The following TMEM266 variants were observed in gnomAD, a reference collection of about 807,000 sequenced individuals.
The protein encoded by TMEM266 is Hv1 related protein 1.
In TMEM266, 33 loss-of-function variants were observed where a neutral mutation model predicts 50.5. The observed-to-expected ratio is 0.65, with a 90% CI of 0.50 to 0.87. The LOEUF (loss-of-function observed/expected upper bound fraction) is 0.87. TMEM266 is among the 40% of genes least tolerant of loss of function. TMEM266 has a pLI of 0.00. For missense variants in TMEM266, 655 were observed against 695.1 expected, an observed-to-expected ratio of 0.94 and a Z score of 0.65; for synonymous variants, 310 against 292.3, an observed-to-expected ratio of 1.06 and a Z score of -0.62.
At chr15:76,082,625 C>T (rs966031625) in intron 1 of TMEM266, among the ~76,000 whole-genome samples, 10 of 103,556 alleles carry the variant, frequency 9.7e-5, no homozygotes, top group African/African-American at 1.9e-4. Context: ...GGGCGGCAAG[C>T]GTGGCACATG....
chr15:76,112,260 C>T (rs1253225539), intron 1 of TMEM266, among the ~76,000 whole-genome samples: 2 of 152,106 alleles, frequency 1.3e-5, no homozygotes. Flanking sequence ...TAAAAGTAAA[C>T]AACACAAAGA....
intron 8 of TMEM266, among the ~76,000 whole-genome samples, chr15:76,187,884 C>T (rs2460154): frequency 0.51 from 77,221 of 152,012 alleles, 20,296 homozygotes; most frequent in African/African-American, 0.64. Context: ...TATTCAGCAA[C>T]GTTTATTGAG....
intron 9 of TMEM266, among the ~76,000 whole-genome samples, chr15:76,197,551 G>C (rs558268858): frequency 6.6e-6 from 1 of 152,348 alleles, no homozygotes; most frequent in Admixed American, 6.5e-5. Context: ...AACAGGTGTA[G>C]AAGTTCTTCA....
intron 10 of TMEM266, among the ~76,000 whole-genome samples, chr15:76,202,933 A>G: frequency 6.6e-6 from 1 of 151,950 alleles, no homozygotes; most frequent in East Asian, 1.9e-4. Flanking sequence ...TAGTCTCCCT[A>G]AGGCCTCATC....
chr15:76,170,913 A>G, intron 6 of TMEM266, 80 bp from the exon 7 acceptor site: 5 of 1,498,048 alleles, frequency 3.3e-6, no homozygotes, highest in South Asian at 1.3e-5. Context: ...GTTGGGCAGC[A>G]CCAGCTGCTT....
Position 76,121,346 on chromosome 15 carries a change from A to G in TMEM266, c.-96-12822A>G, listed in dbSNP as rs114215347. ...TATAATGTATCAGTGCTCTATTGCC[A>G]CAATAATCTCATACAACAAACCACC... is the stretch of plus-strand genomic sequence containing the variant. On this transcript the variant is annotated intron_variant, in intron 1 of 10. Transcript: ENST00000388942. Among the ~76,000 whole-genome samples the G allele has an allele frequency of 6.9e-3, 1,046 of 152,294 alleles. 12 individuals carry two copies. The highest frequency in any genetic ancestry group is 0.024 in the African/African-American group (999 of 41,558).
At chr15:76,201,784 T>A (rs1229597382) in intron 9 of TMEM266, among the ~76,000 whole-genome samples, 1 of 152,214 alleles carries the variant, frequency 6.6e-6, no homozygotes, top group Admixed American at 6.5e-5. Flanking sequence ...GCTGGCTGTG[T>A]CCTGCAAATG....
At chr15:76,173,631 C>T (rs900880080) in intron 7 of TMEM266, among the ~76,000 whole-genome samples, 7 of 152,170 alleles carry the variant, frequency 4.6e-5, no homozygotes, top group African/African-American at 1.7e-4. Flanking sequence ...AAGCGTATTT[C>T]ATTCACGTGA....
chr15:76,134,099 T>C (rs1336263107), intron 1 of TMEM266, 69 bp from the exon 2 acceptor site: 2 of 628,710 alleles, frequency 3.2e-6, no homozygotes, highest in South Asian at 2.3e-5. Flanking sequence ...AGGACTCCCA[T>C]TTTTAGATGA....
chr15:76,066,966 G>A (rs2036434666), intron 1 of TMEM266, among the ~76,000 whole-genome samples: 1 of 152,002 alleles, frequency 6.6e-6, no homozygotes, highest in Admixed American at 6.6e-5. Context: ...GATGCCACCG[G>A]TACTACCGCG....
chr15:76,199,043 C>T (rs1055371569), intron 9 of TMEM266, among the ~76,000 whole-genome samples: 1 of 145,914 alleles, frequency 6.9e-6, no homozygotes. Flanking sequence ...TTCATTGAAC[C>T]CACAGGCAGG....
At chr15:76,198,992 T>G (rs2038699105) in intron 9 of TMEM266, among the ~76,000 whole-genome samples, 1 of 92,916 alleles carries the variant, frequency 1.1e-5, no homozygotes, top group Admixed American at 1.2e-4. Context: ...CCTAGGGACC[T>G]CGGCTCTGTG....
In TMEM266 at chr15:76,130,233, A is replaced by C. The variant is rs1437693538; in HGVS notation, c.-96-3935A>C. The stretch of plus-strand genomic sequence containing the variant: ...GAGACCCTGTCAAAAAAAAAAAAAA[A>C]AAAAAAAAAAAAAAAAAAAAACCGC... On this transcript the variant is annotated intron_variant, in intron 1 of 10. Transcript: ENST00000388942. Among the ~76,000 whole-genome samples the C allele has an allele frequency of 1.8e-4, 23 of 128,648 alleles. 1 individual carries two copies. In the South Asian group the frequency reaches 2.3e-3, roughly 13 times the overall value. The allele number at this position is 128,648 out of a possible 152,430, so 84.4% of individuals were successfully genotyped here.
At chr15:76,064,903 A>G (rs75015824) in intron 1 of TMEM266, among the ~76,000 whole-genome samples, 2,405 of 152,224 alleles carry the variant, frequency 0.016, 67 homozygotes, top group African/African-American at 0.052. Context: ...TTTATCTACA[A>G]TTCCCTCACA....
At chr15:76,121,524 C>T (rs756480824) in intron 1 of TMEM266, among the ~76,000 whole-genome samples, 8 of 152,130 alleles carry the variant, frequency 5.3e-5, no homozygotes, top group Non-Finnish European at 1.0e-4. Flanking sequence ...TCAAGTGATT[C>T]TCCTGCCTCA....
chr15:76,105,289 C>A (rs1263215277), intron 1 of TMEM266, among the ~76,000 whole-genome samples: 8 of 152,124 alleles, frequency 5.3e-5, no homozygotes, highest in Non-Finnish European at 1.2e-4. Context: ...CACTTCACTA[C>A]CCCCTTGTGA....
At chr15:76,080,090 G>A (rs991538891) in intron 1 of TMEM266, among the ~76,000 whole-genome samples, 1 of 151,342 alleles carries the variant, frequency 6.6e-6, no homozygotes, top group African/African-American at 2.4e-5. Flanking sequence ...CCTTCGGCCA[G>A]GCGTGGTTGC....
At chr15:76,107,054 GTC>G (rs1307380845) in intron 1 of TMEM266, among the ~76,000 whole-genome samples, 3 of 152,092 alleles carry the variant, frequency 2.0e-5, no homozygotes, top group African/African-American at 4.8e-5. Flanking sequence ...CTTCTAGACT[GTC>G]TCTGTCCCAC....
intron 1 of TMEM266, among the ~76,000 whole-genome samples, chr15:76,118,225 A>C (rs1317078031): frequency 6.6e-6 from 1 of 152,160 alleles, no homozygotes; most frequent in Non-Finnish European, 1.5e-5. Flanking sequence ...ATCTTCAGTC[A>C]TTATTTACAT....
Sources: gnomAD v4.1 joint callset for allele counts (sites outside exome capture counted in the v4.1 genomes callset) on GRCh38, gnomAD v4.1.1 for gene constraint, MANE v1.5 for transcripts, NCBI Gene and HGNC (gene_info 2026-07-23, HGNC 2026-07-21) for gene names.